Variants in MS4A8 observed in about 807,000 individuals in gnomAD.
MS4A8 encodes the protein membrane-spanning 4-domains subfamily A member 8.
In MS4A8, 27 loss-of-function variants were observed where a neutral mutation model predicts 23.7. The observed-to-expected ratio is 1.14, with a 90% CI of 0.84 to 1.57. The LOEUF is 1.57. Ranked by LOEUF, MS4A8 falls within the 40% of genes most tolerant of loss-of-function variation. The pLI is 0.00. For synonymous variants in MS4A8, 138 were observed against 126.3 expected (o/e 1.09, Z -0.62); for missense variants, 301 against 311.4 (o/e 0.97, Z 0.25).
intron 4 of MS4A8, among the ~76,000 whole-genome samples, chr11:60,708,004 A>AT (rs2088271554): frequency 6.7e-6 from 1 of 150,372 alleles, no homozygotes; most frequent in South Asian, 2.1e-4. Context: ...TAATTATTGT[A>AT]TTTTTTGTAT....
chr11:60,711,118 C>T (rs1276076320), intron 5 of MS4A8, among the ~76,000 whole-genome samples: 3 of 152,184 alleles, frequency 2.0e-5, no homozygotes, highest in Non-Finnish European at 4.4e-5. Context: ...ACTGCCTGTC[C>T]CTAGAATGAG....
chr11:60,710,456 TCTCACAC>T, intron 5 of MS4A8, among the ~76,000 whole-genome samples: 1 of 152,302 alleles, frequency 6.6e-6, no homozygotes, highest in East Asian at 1.9e-4. Context: ...CCTGTCTTTC[TCTCACAC>T]CTCACAGCCA....
intron 5 of MS4A8, chr11:60,711,812 C>T: frequency 4.4e-6 from 2 of 456,046 alleles, no homozygotes; most frequent in Non-Finnish European, 8.8e-6. Context: ...ATTCAGAAAA[C>T]TTGGCTTTTA....
chr11:60,712,468 C>T, intron 5 of MS4A8: 1 of 985,312 alleles, frequency 1.0e-6, no homozygotes, highest in South Asian at 4.7e-5. Flanking sequence ...AAGCATCTGG[C>T]TGTCACCAAT....
At chr11:60,710,222 G>T (rs552033318) in intron 5 of MS4A8, among the ~76,000 whole-genome samples, 1 of 152,180 alleles carries the variant, frequency 6.6e-6, no homozygotes, top group East Asian at 1.9e-4. Flanking sequence ...GAAACACCTT[G>T]TCTATGACAA....
chr11:60,709,140 T>C, intron 5 of MS4A8: 4 of 272,582 alleles, frequency 1.5e-5, no homozygotes, highest in Non-Finnish European at 2.8e-5. Flanking sequence ...AAAGAGCCAA[T>C]AGTAAGCAGT....
At chr11:60,703,177 T>C (rs1450768563) in intron 2 of MS4A8, 2 of 490,848 alleles carry the variant, frequency 4.1e-6, no homozygotes, top group East Asian at 4.2e-5. Flanking sequence ...AAAAGAATAA[T>C]GGGAGAATAC....
chr11:60,707,409 CAGGAGCCA>C (rs1200807585), intron 4 of MS4A8, among the ~76,000 whole-genome samples: 1 of 152,026 alleles, frequency 6.6e-6, no homozygotes, highest in Non-Finnish European at 1.5e-5. Flanking sequence ...TCTAGCAGAC[CAGGAGCCA>C]AGAGTACTTC....
chr11:60,712,248 T>C, intron 5 of MS4A8: 1 of 835,914 alleles, frequency 1.2e-6, no homozygotes, highest in Admixed American at 6.2e-5. Context: ...CTCAGTGCTC[T>C]GGGATACCTT....
intron 1 of MS4A8, 73 bp from the exon 2 acceptor site, chr11:60,700,784 TAGA>T (rs1290713102): frequency 6.9e-7 from 1 of 1,442,912 alleles, no homozygotes; most frequent in African/African-American, 1.4e-5. Context: ...TCCAATGAGC[TAGA>T]AGAAGCAAAA....
chr11:60,708,560 TG>T (rs1208292032), intron 4 of MS4A8, 89 bp from the exon 5 acceptor site: 5 of 1,358,216 alleles, frequency 3.7e-6, no homozygotes, highest in East Asian at 2.5e-5. Flanking sequence ...TTTTAGAAAT[TG>T]GGGGGAAAAA....
At chr11:60,705,105 C>T (rs1054182089) in intron 3 of MS4A8, among the ~76,000 whole-genome samples, 5 of 152,198 alleles carry the variant, frequency 3.3e-5, no homozygotes, top group Non-Finnish European at 5.9e-5. Context: ...ATCTCCATCC[C>T]CGACAGCCAC....
In MS4A8 at chr11:60,707,046, T is replaced by A. The variant is rs1157303958; in HGVS notation, c.401T>A (p.Leu134Gln). The A allele has an allele frequency of 5.6e-6, 9 of 1,613,478 alleles. No individual in the cohort carries two copies. The East Asian group carries it at 1.8e-4, about 32-fold the overall frequency. Residue 134 changes from leucine to glutamine, a missense_variant and splice_region_variant, in exon 4 of 7, where the codon CTG becomes CAG. Transcript: ENST00000300226. ...AAENQPYSYC[L>Q]LSGSLGLNIV... ...GAAAATCAGCCATATTCTTATTGCC[T>A]GGTAAGTTACATTCTGAGACCAGCT...
At position 60,715,415 on chromosome 11, in the gene MS4A8, G is replaced by A. The variant is rs780033312; in HGVS notation, c.*1G>A. On this transcript the variant is annotated 3_prime_UTR_variant, in exon 7 of 7. Coordinates refer to ENST00000300226, the MANE Select transcript of MS4A8 (RefSeq NM_031457.2). Reference sequence around the variant, plus strand: ...CAGTGAGATCCAAGCAAATAAGTAAGGCTACAGATTCTGGAAGCATCTTTC... The same window carrying A: ...CAGTGAGATCCAAGCAAATAAGTAAAGCTACAGATTCTGGAAGCATCTTTC... The A allele has an allele frequency of 1.1e-5, 17 of 1,611,328 alleles. No homozygotes were observed. The Admixed American group carries it at 2.0e-4, about 19-fold the overall frequency.
At chr11:60,715,214 G>A in intron 6 of MS4A8, 80 bp downstream of exon 6, 1 of 1,478,634 alleles carries the variant, frequency 6.8e-7, no homozygotes, top group South Asian at 1.1e-5. Context: ...GCTTTCCACT[G>A]CCTGCTCAGG....
chr11:60,715,745 A>G lies in MS4A8; in HGVS notation c.*331A>G, dbSNP rs911105122. On this transcript the variant is annotated 3_prime_UTR_variant, in exon 7 of 7. Transcript: ENST00000300226. ...GAGCTTGTGGGTTAGAGGAACAAATATCTAGACATTCAATCTTCACTCTTT... is the reference window on the plus strand; with the variant it reads ...GAGCTTGTGGGTTAGAGGAACAAATGTCTAGACATTCAATCTTCACTCTTT... The G allele has an allele frequency of 3.2e-6, 1 of 312,956 alleles. No individual in the cohort carries two copies. Among genetic ancestry groups the G allele is most frequent in the Non-Finnish European group, 6.0e-6 (1 of 166,470 alleles). 19.4% of individuals were successfully genotyped at this position (312,956 alleles called of 1,614,324 possible).
rs1177340355 is a variant in MS4A8, at chr11:60,707,834, T to TTG, written c.402+800_402+801dup. Reference sequence around the variant, plus strand: ...TTTCTTTTTTTTTTTTTTTTTTTTTTTGTGTGTGTGTGTGAGACAGAGTCT... The same window carrying TTG: ...TTTCTTTTTTTTTTTTTTTTTTTTTTTGTGTGTGTGTGTGTGAGACAGAGTCT... On this transcript the variant is annotated intron_variant, in intron 4 of 6. Transcript: ENST00000300226. 2.1e-3 allele frequency among the ~76,000 whole-genome samples: 218 copies of TTG among 101,910 alleles called. 24 individuals are homozygous for TTG. Among genetic ancestry groups the TTG allele is most frequent in the Middle Eastern group, 0.014 (3 of 220 alleles). The allele number at this position is 101,910 out of a possible 152,430, so 66.9% of individuals were successfully genotyped here.
intron 3 of MS4A8, 95 bp downstream of exon 3, chr11:60,703,595 G>A: frequency 7.0e-7 from 1 of 1,433,102 alleles, no homozygotes; most frequent in Non-Finnish European, 9.5e-7. Context: ...CCCTGCAGAA[G>A]GTTCCCAGCC....
intron 1 of MS4A8, 118 bp from the exon 2 acceptor site, chr11:60,700,741 TG>T: frequency 1.1e-6 from 1 of 929,122 alleles, no homozygotes; most frequent in Non-Finnish European, 1.7e-6. Context: ...ATTTGTAACA[TG>T]GGATTCATAA....
Sources: allele counts gnomAD v4.1 joint callset (sites outside exome capture counted in the v4.1 genomes callset), GRCh38; gene constraint gnomAD v4.1.1; transcripts MANE v1.5; gene names NCBI Gene and HGNC (gene_info 2026-07-23, HGNC 2026-07-21).